The following GRAMD4 variants were observed in gnomAD, a reference collection of about 807,000 sequenced individuals.
The protein encoded by GRAMD4 is GRAM domain-containing protein 4.
A neutral mutation model predicts 83.9 loss-of-function variants in GRAMD4; 25 were observed. That is an observed-to-expected ratio of 0.30 (90% CI 0.22 to 0.42). The LOEUF is 0.42. Ranked by LOEUF, GRAMD4 falls within the 10% of genes least tolerant of loss-of-function variation. GRAMD4 has a pLI of 1.00. For synonymous variants in GRAMD4, 336 were observed against 320.9 expected, an observed-to-expected ratio of 1.05 and a Z score of -0.50; for missense variants, 593 against 788.7, an observed-to-expected ratio of 0.75 and a Z score of 2.97.
At chr22:46,643,269 G>GTCCA (rs1156456596) in intron 3 of GRAMD4, among the ~76,000 whole-genome samples, 96 of 78,434 alleles carry the variant, frequency 1.2e-3, no homozygotes, top group African/African-American at 4.6e-3. Context: ...CCGTCCATCC[G>GTCCA]TCCATCCATC....
At chr22:46,597,222 C>A (rs576679576) in intron 1 of GRAMD4, among the ~76,000 whole-genome samples, 1 of 152,156 alleles carries the variant, frequency 6.6e-6, no homozygotes, top group Non-Finnish European at 1.5e-5. Context: ...CTGCTCAGTG[C>A]CCTGTGTCCC....
rs145906275 is a variant in GRAMD4, at chr22:46,658,251, C to T, written c.348C>T (p.Arg116=). 780 of 1,613,454 alleles carry T rather than the reference C, an allele frequency of 4.8e-4. 1 individual carries two copies. In the Middle Eastern group the frequency reaches 5.1e-3, roughly 11 times the overall value. ...AGATGCTGCGGCAGGAGCTGGACCG[C>T]GAGCGGCAGCGGCGGATGGAGCTGG... The part of the protein sequence containing the change: ...NAEMLRQELD[R]ERQRRMELEQ... Residue 116 remains arginine (R), a synonymous_variant, in exon 4 of 19, where the codon CGC becomes CGT. Coordinates refer to ENST00000406902, the MANE Select transcript of GRAMD4 (RefSeq NM_015124.5).
In GRAMD4 at chr22:46,577,446, G is replaced by A. The variant is rs902434213; in HGVS notation, c.-50+156G>A. Among the ~76,000 whole-genome samples the A allele has an allele frequency of 2.2e-5, 3 of 138,346 alleles. No individual in the cohort carries two copies. The Admixed American group carries it at 2.2e-4, about 10-fold the overall frequency. The allele number at this position is 138,346 out of a possible 152,430, so 90.8% of individuals were successfully genotyped here. The stretch of plus-strand genomic sequence containing the variant: ...CCCGAGCCGGCGACCCTCCGAGCAG[G>A]GCCCTGCGCGGGCGCGCCCCGCACA... On this transcript the variant is annotated intron_variant, in intron 1 of 1. Transcript: ENST00000431155.
chr22:46,636,475 G>A (rs2081889809), intron 2 of GRAMD4, among the ~76,000 whole-genome samples: 1 of 152,260 alleles, frequency 6.6e-6, no homozygotes, highest in African/African-American at 2.4e-5. Flanking sequence ...AGAGTGCCCT[G>A]CCTAGAAGCT....
intron 1 of GRAMD4, among the ~76,000 whole-genome samples, chr22:46,580,780 C>T (rs373273499): frequency 1.3e-5 from 2 of 152,092 alleles, no homozygotes; most frequent in African/African-American, 2.4e-5. Context: ...GCCTGACCAA[C>T]ATGGAGAAAT....
At chr22:46,671,081 G>C (rs993429449) in intron 13 of GRAMD4, 3 of 469,032 alleles carry the variant, frequency 6.4e-6, no homozygotes, top group South Asian at 1.6e-5. Context: ...TAGAGGGGCA[G>C]AGGCTGCCTG....
At chr22:46,597,137 G>T (rs113148171) in intron 1 of GRAMD4, among the ~76,000 whole-genome samples, 4,206 of 152,326 alleles carry the variant, frequency 0.028, 90 homozygotes, top group South Asian at 0.064. Context: ...CTCAGCAGGA[G>T]CGAGAGGTTT....
chr22:46,675,223 C>G (rs2082578120), intron 16 of GRAMD4, among the ~76,000 whole-genome samples: 1 of 151,630 alleles, frequency 6.6e-6, no homozygotes, highest in South Asian at 2.1e-4. Flanking sequence ...GGCCGTGTCT[C>G]ACTCAGAGCA....
At chr22:46,665,543 G>A (rs2082395076) in intron 8 of GRAMD4, 72 bp from the exon 9 acceptor site, 4 of 805,490 alleles carry the variant, frequency 5.0e-6, no homozygotes, top group Non-Finnish European at 6.3e-6. Flanking sequence ...CCTGGTGGGG[G>A]GAGGCGGGAG....
chr22:46,594,708 T>G (rs1262206175), intron 1 of GRAMD4, among the ~76,000 whole-genome samples: 3 of 149,300 alleles, frequency 2.0e-5, no homozygotes, highest in Non-Finnish European at 3.0e-5. Context: ...AGGGCCGGAC[T>G]GGAGATGGAG....
intron 1 of GRAMD4, among the ~76,000 whole-genome samples, chr22:46,623,065 C>G (rs1007883504): frequency 6.6e-6 from 1 of 152,158 alleles, no homozygotes. Flanking sequence ...AGCCCATACT[C>G]CCGACGTCTG....
intron 2 of GRAMD4, among the ~76,000 whole-genome samples, chr22:46,629,951 G>A (rs180985240): frequency 2.4e-4 from 37 of 152,232 alleles, no homozygotes; most frequent in African/African-American, 7.9e-4. Context: ...TCCATGCTGC[G>A]GTGTGCATTG....
In GRAMD4 at chr22:46,678,671, G is replaced by T. The variant is rs1378272578; in HGVS notation, c.*1420G>T. 7.1e-6 allele frequency: 7 copies of T among 985,494 alleles called. No homozygotes were observed. Among genetic ancestry groups the T allele is most frequent in the Admixed American group, 6.1e-5 (1 of 16,270 alleles). 61.0% of individuals were successfully genotyped at this position (985,494 alleles called of 1,614,324 possible). ...AACAGAAGATTCTATTTTTTACAGC[G>T]AGCAAGCTGGTTTTCTTATTTTTGT... On this transcript the variant is annotated 3_prime_UTR_variant, in exon 19 of 19. Transcript: ENST00000406902.
Position 46,679,732 on chromosome 22 carries a change from G to C in GRAMD4, c.*2481G>C. 1 of 967,490 alleles carries C rather than the reference G, an allele frequency of 1.0e-6. No individual in the cohort carries two copies. Among genetic ancestry groups the C allele is most frequent in the Admixed American group, 6.1e-5 (1 of 16,284 alleles). 59.9% of individuals were successfully genotyped at this position (967,490 alleles called of 1,614,324 possible). Reference sequence around the variant, plus strand: ...AAAACTTTGTTTGTTTAAAGAAAAAGTATTGTATAAATTATAATTTTTATT... The same window carrying C: ...AAAACTTTGTTTGTTTAAAGAAAAACTATTGTATAAATTATAATTTTTATT... On this transcript the variant is annotated 3_prime_UTR_variant, in exon 19 of 19. Transcript: ENST00000406902.
chr22:46,628,649 G>C (rs2081715013), intron 2 of GRAMD4, among the ~76,000 whole-genome samples: 1 of 152,168 alleles, frequency 6.6e-6, no homozygotes, highest in Non-Finnish European at 1.5e-5. Context: ...CTGAGGGGCA[G>C]GTGGAGGGCT....
intron 1 of GRAMD4, among the ~76,000 whole-genome samples, chr22:46,604,516 C>G (rs1311655905): frequency 6.6e-6 from 1 of 152,196 alleles, no homozygotes; most frequent in Non-Finnish European, 1.5e-5. Context: ...TGATCTTCCC[C>G]AACCGAAACT....
chr22:46,599,898 C>T (rs1480304549), intron 1 of GRAMD4, among the ~76,000 whole-genome samples: 1 of 151,852 alleles, frequency 6.6e-6, no homozygotes, highest in Non-Finnish European at 1.5e-5. Flanking sequence ...CACGTGGGGA[C>T]TCCTTAGTCC....
chr22:46,629,298 A>G (rs957624019), intron 2 of GRAMD4, among the ~76,000 whole-genome samples: 27 of 152,232 alleles, frequency 1.8e-4, no homozygotes, highest in Admixed American at 1.6e-3. Context: ...GTCCACCCCC[A>G]GGCCTGCTTT....
At chr22:46,673,886 G>A in intron 15 of GRAMD4, 72 bp downstream of exon 15, 1 of 1,537,356 alleles carries the variant, frequency 6.5e-7, no homozygotes, top group Non-Finnish European at 8.9e-7. Flanking sequence ...GGGGCGCTGT[G>A]GATGCAGGAC....
Sources: gnomAD v4.1 joint callset for allele counts (sites outside exome capture counted in the v4.1 genomes callset) on GRCh38, gnomAD v4.1.1 for gene constraint, MANE v1.5 for transcripts, NCBI Gene and HGNC (gene_info 2026-07-23, HGNC 2026-07-21) for gene names.